STAC: variants seen among roughly 807,000 people sequenced by gnomAD.
The protein encoded by STAC is SH3 and cysteine rich domain.
In STAC, 43 loss-of-function variants were observed where a neutral mutation model predicts 48.8. That is an observed-to-expected ratio of 0.88 (90% CI 0.69 to 1.14). The LOEUF is 1.14. Ranked by LOEUF, STAC falls within the 50% of genes most tolerant of loss-of-function variation. The probability of loss-of-function intolerance (pLI) is 0.00; values close to 1 mark genes in which losing one functional copy is unlikely to be tolerated. For missense variants in STAC, 497 were observed against 504.0 expected, an observed-to-expected ratio of 0.99 and a Z score of 0.13; for synonymous variants, 193 against 179.5, an observed-to-expected ratio of 1.07 and a Z score of -0.60.
rs533658970 is a variant in STAC, at chr3:36,394,761, G to A, written c.111+14007G>A. Reference sequence around the variant, plus strand: ...AAAATACAAAAATTAGCCGGGTGCGGTGGTGCACACCTGTAGTCCCAGCTA... The same window carrying A: ...AAAATACAAAAATTAGCCGGGTGCGATGGTGCACACCTGTAGTCCCAGCTA... On this transcript the variant is annotated intron_variant, in intron 1 of 10. Coordinates refer to ENST00000273183, the MANE Select transcript of STAC (RefSeq NM_003149.3). 2.6e-4 allele frequency among the ~76,000 whole-genome samples: 40 copies of A among 152,186 alleles called. No homozygotes were observed. In the South Asian group the frequency reaches 7.1e-3, roughly 27 times the overall value.
At chr3:36,515,639 C>T (rs1360805850) in intron 8 of STAC, among the ~76,000 whole-genome samples, 1 of 152,094 alleles carries the variant, frequency 6.6e-6, no homozygotes, top group East Asian at 1.9e-4. Context: ...TGGTGTTCAG[C>T]AGTAAATCTG....
chr3:36,453,464 G>C (rs373762718), intron 2 of STAC, among the ~76,000 whole-genome samples: 27 of 152,172 alleles, frequency 1.8e-4, no homozygotes, highest in Non-Finnish European at 1.5e-5. Context: ...CACCGGCCCC[G>C]GGCAGTGAGG....
At chr3:36,416,124 T>C (rs530981956) in intron 1 of STAC, among the ~76,000 whole-genome samples, 1 of 152,296 alleles carries the variant, frequency 6.6e-6, no homozygotes, top group Non-Finnish European at 1.5e-5. Flanking sequence ...TTCAGTATCC[T>C]TTGGGAATTA....
At chr3:36,522,819 T>C (rs1698837797) in intron 8 of STAC, among the ~76,000 whole-genome samples, 1 of 152,144 alleles carries the variant, frequency 6.6e-6, no homozygotes, top group Non-Finnish European at 1.5e-5. Flanking sequence ...GTGCTCTACT[T>C]GGGGATTGGA....
At chr3:36,399,962 GA>G (rs1438699233) in intron 1 of STAC, among the ~76,000 whole-genome samples, 1 of 152,188 alleles carries the variant, frequency 6.6e-6, no homozygotes, top group East Asian at 1.9e-4. Flanking sequence ...AACACTGAAG[GA>G]AATTAATAAA....
chr3:36,543,413 C>T (rs776854972), intron 10 of STAC, among the ~76,000 whole-genome samples: 19 of 152,136 alleles, frequency 1.2e-4, no homozygotes, highest in Non-Finnish European at 2.5e-4. Context: ...ACTTCTCATC[C>T]GTAAAAAGGT....
At chr3:36,405,921 C>A (rs1418891955) in intron 1 of STAC, among the ~76,000 whole-genome samples, 3 of 152,168 alleles carry the variant, frequency 2.0e-5, no homozygotes, top group Admixed American at 1.3e-4. Flanking sequence ...TGGGGTCTCA[C>A]TTTGTTGCCC....
At chr3:36,384,512 T>C (rs1206567363) in intron 1 of STAC, among the ~76,000 whole-genome samples, 1 of 152,170 alleles carries the variant, frequency 6.6e-6, no homozygotes. Context: ...ATTTTCTCTA[T>C]TTGTTTCAAA....
At chr3:36,458,736 T>C (rs1054293961) in intron 2 of STAC, among the ~76,000 whole-genome samples, 9 of 152,196 alleles carry the variant, frequency 5.9e-5, no homozygotes, top group Non-Finnish European at 8.8e-5. Flanking sequence ...TGCACCTCAA[T>C]TTAGAGAAAA....
At chr3:36,457,555 G>A (rs10514700) in intron 2 of STAC, among the ~76,000 whole-genome samples, 20,622 of 152,200 alleles carry the variant, frequency 0.14, 1,589 homozygotes, top group African/African-American at 0.21. Context: ...ATTCTTTGGA[G>A]ACCTGAGGAT....
At chr3:36,410,902 A>G (rs1462310714) in intron 1 of STAC, among the ~76,000 whole-genome samples, 1 of 152,226 alleles carries the variant, frequency 6.6e-6, no homozygotes, top group African/African-American at 2.4e-5. Flanking sequence ...GTTTGGGACT[A>G]TACATTTACG....
In STAC at chr3:36,396,331, GA is replaced by G. The variant is rs1230027377; in HGVS notation, c.111+15582del. The stretch of plus-strand genomic sequence containing the variant: ...AAAAAATTTGAGATGAAGTTTCTTG[GA>G]AAAATAATATTATAAAAAATAATAA... On this transcript the variant is annotated intron_variant, in intron 1 of 10. Transcript: ENST00000273183. 2.6e-5 allele frequency among the ~76,000 whole-genome samples: 4 copies of G among 151,874 alleles called. No individual in the cohort carries two copies. In the South Asian group the frequency reaches 8.3e-4, roughly 32 times the overall value.
chr3:36,483,324 C>G (rs1020902277), intron 3 of STAC, among the ~76,000 whole-genome samples: 8 of 152,206 alleles, frequency 5.3e-5, no homozygotes, highest in African/African-American at 1.9e-4. Flanking sequence ...AACAGAGTGA[C>G]CAACTTCTCC....
chr3:36,401,968 C>A (rs1473473377), intron 1 of STAC, among the ~76,000 whole-genome samples: 3 of 152,164 alleles, frequency 2.0e-5, no homozygotes, highest in African/African-American at 7.2e-5. Flanking sequence ...TATTTAGTCT[C>A]ATTTCACAGA....
chr3:36,476,484 A>G (rs1393378417), intron 2 of STAC, among the ~76,000 whole-genome samples: 2 of 152,182 alleles, frequency 1.3e-5, no homozygotes, highest in Non-Finnish European at 2.9e-5. Flanking sequence ...ACCAGAAACC[A>G]TAAATGATCT....
intron 8 of STAC, among the ~76,000 whole-genome samples, chr3:36,517,369 G>A (rs1698698161): frequency 6.6e-6 from 1 of 152,284 alleles, no homozygotes; most frequent in African/African-American, 2.4e-5. Context: ...AAAATACATG[G>A]CCAAGTGCAG....
intron 10 of STAC, among the ~76,000 whole-genome samples, chr3:36,529,835 C>T (rs985672883): frequency 1.2e-4 from 18 of 151,912 alleles, no homozygotes; most frequent in Admixed American, 1.3e-4. Context: ...TATGCTTGGA[C>T]TTACGGCAGG....
rs543049027 is a variant in STAC at position 36,443,935 on chromosome 3, T to A, written c.388+295T>A. On this transcript the variant is annotated intron_variant, in intron 2 of 10. Transcript: ENST00000273183. This position sits in a 1 kb window ranked among gnomAD's most constrained non-coding sequence, Gnocchi z 4.2. The stretch of plus-strand genomic sequence containing the variant: ...GCATTGAGGCTCGAGGTCTGGGTCT[T>A]TGAACACCTGCATCAGCCTGTCACT... Among the ~76,000 whole-genome samples the A allele has an allele frequency of 6.6e-6, 1 of 152,264 alleles. No individual in the cohort carries two copies. The highest frequency in any genetic ancestry group is 2.1e-4 in the South Asian group (1 of 4,828).
chr3:36,423,638 G>A (rs1288416495), intron 1 of STAC, among the ~76,000 whole-genome samples: 5 of 152,028 alleles, frequency 3.3e-5, no homozygotes, highest in Non-Finnish European at 7.4e-5. Context: ...AGTTGAACTA[G>A]AGACCTGATG....
Sources: gnomAD v4.1 joint callset for allele counts (sites outside exome capture counted in the v4.1 genomes callset) on GRCh38, gnomAD v4.1.1 for gene constraint, Gnocchi (gnomAD v3.1) non-coding constraint, MANE v1.5 for transcripts, NCBI Gene and HGNC (gene_info 2026-07-23, HGNC 2026-07-21) for gene names.